The following EXOC4 variants were observed in gnomAD, a reference collection of about 807,000 sequenced individuals.
The protein encoded by EXOC4 is SEC8-like 1.
Under a neutral mutation model 107.2 loss-of-function variants are expected in EXOC4, and 71 were observed. That is an observed-to-expected ratio of 0.66 (90% CI 0.55 to 0.81). EXOC4 has a LOEUF of 0.81. Among genes scored for constraint, EXOC4 ranks in the 30% least tolerant of loss-of-function variants. The pLI, the probability that EXOC4 is intolerant of heterozygous loss-of-function variation, is 0.00. For synonymous variants in EXOC4, 456 were observed against 441.2 expected (o/e 1.03, Z -0.42); for missense variants, 1,108 against 1,189.6 (o/e 0.93, Z 1.01).
rs1220022922 is a variant in EXOC4 at position 133,497,428 on chromosome 7, GT to G, written c.1417+17306del. 3.5e-3 allele frequency among the ~76,000 whole-genome samples: 485 copies of G among 139,226 alleles called. 2 individuals carry two copies. Among genetic ancestry groups the G allele is most frequent in the African/African-American group, 6.3e-3 (241 of 38,234 alleles). The allele number at this position is 139,226 out of a possible 152,430, so 91.3% of individuals were successfully genotyped here. A position where few individuals can be genotyped will look rare whatever the true frequency, so the allele number is the denominator to read the frequency against. On this transcript the variant is annotated intron_variant, in intron 9 of 17. Transcript: ENST00000253861. ...AAATTTATTCCAACTCTCTGTCAGTGTTTTTTTTTTTTTTTTGAGACGGAGT... is the reference window on the plus strand; with the variant it reads ...AAATTTATTCCAACTCTCTGTCAGTGTTTTTTTTTTTTTTTGAGACGGAGT...
chr7:133,660,971 A>G (rs1243242575), intron 10 of EXOC4, among the ~76,000 whole-genome samples: 1 of 152,184 alleles, frequency 6.6e-6, no homozygotes, highest in Non-Finnish European at 1.5e-5. Context: ...TCTGAGAAAG[A>G]GATAAAGTGG....
chr7:133,324,691 T>A (rs544177840), intron 5 of EXOC4, among the ~76,000 whole-genome samples: 33 of 152,292 alleles, frequency 2.2e-4, no homozygotes, highest in African/African-American at 7.9e-4. Flanking sequence ...ATTCTGTTGA[T>A]TTGTGGTGGA....
At chr7:133,424,049 GTCAGCTCTCTGTAAAATGGACCAA>G (rs1419589274) in intron 7 of EXOC4, among the ~76,000 whole-genome samples, 18 of 152,088 alleles carry the variant, frequency 1.2e-4, no homozygotes, top group East Asian at 5.8e-4. Flanking sequence ...AAATGGACCA[GTCAGCTCTCTGTAAAATGGACCAA>G]TCAGCTCTCT....
intron 12 of EXOC4, among the ~76,000 whole-genome samples, chr7:133,907,501 A>C (rs1429359414): frequency 6.6e-6 from 1 of 152,146 alleles, no homozygotes; most frequent in Non-Finnish European, 1.5e-5. Flanking sequence ...TTAGTTTAAA[A>C]ATATCCTCAA....
At chr7:134,093,648 C>T in the EXOC4 span, among the ~76,000 whole-genome samples, 1 of 152,106 alleles carries the variant, frequency 6.6e-6, no homozygotes, top group African/African-American at 2.4e-5. Context: ...TATGGAACAT[C>T]CTCCAAGATT....
At chr7:133,456,562 AAAACTTAGG>A (rs1314826053) in intron 7 of EXOC4, among the ~76,000 whole-genome samples, 1 of 152,208 alleles carries the variant, frequency 6.6e-6, no homozygotes, top group African/African-American at 2.4e-5. Context: ...CTGATATGAG[AAAACTTAGG>A]AAACATCATG....
chr7:134,092,670 C>T, the EXOC4 span, among the ~76,000 whole-genome samples: 2 of 152,058 alleles, frequency 1.3e-5, no homozygotes, highest in Admixed American at 1.3e-4. Flanking sequence ...TAAGGGAATT[C>T]GTTACCACTA....
At chr7:133,925,099 T>C (rs955590440) in intron 13 of EXOC4, among the ~76,000 whole-genome samples, 1 of 152,214 alleles carries the variant, frequency 6.6e-6, no homozygotes, top group Non-Finnish European at 1.5e-5. Flanking sequence ...CCAAAAAGAC[T>C]GAAAAGTCAC....
chr7:133,638,773 G>C (rs1802776525), intron 10 of EXOC4, among the ~76,000 whole-genome samples: 1 of 152,158 alleles, frequency 6.6e-6, no homozygotes. Context: ...GACCAACGCT[G>C]TATTTCCAAA....
intron 1 of EXOC4, among the ~76,000 whole-genome samples, chr7:133,270,784 A>G (rs1188697659): frequency 1.3e-5 from 2 of 152,212 alleles, no homozygotes; most frequent in African/African-American, 4.8e-5. Context: ...GGTGAGCTCA[A>G]TGACAAGTGT....
chr7:133,926,965 A>T (rs1448535324), intron 13 of EXOC4, among the ~76,000 whole-genome samples: 1 of 152,112 alleles, frequency 6.6e-6, no homozygotes, highest in Non-Finnish European at 1.5e-5. Flanking sequence ...CACGAGTCAT[A>T]TATTAAATGT....
intron 9 of EXOC4, among the ~76,000 whole-genome samples, chr7:133,558,256 C>CTTTTCTTTTCTTTTCTTTTG (rs1800741284): frequency 1.4e-5 from 2 of 139,912 alleles, no homozygotes; most frequent in Non-Finnish European, 3.1e-5. Flanking sequence ...CTTTTCTTTT[C>CTTTTCTTTTCTTTTCTTTTG]AAATAAAAGC....
chr7:133,295,526 A>G (rs1050780792), intron 3 of EXOC4, among the ~76,000 whole-genome samples: 15 of 152,206 alleles, frequency 9.9e-5, no homozygotes, highest in African/African-American at 3.6e-4. Flanking sequence ...TCCACTGGGT[A>G]TCATCACTAG....
the EXOC4 span, among the ~76,000 whole-genome samples, chr7:134,091,714 A>G: frequency 1.3e-5 from 2 of 152,160 alleles, no homozygotes; most frequent in Admixed American, 1.3e-4. Context: ...GTGGAAAGTA[A>G]ATTTATAAGC....
At chr7:133,664,419 A>C (rs1793765648) in intron 10 of EXOC4, among the ~76,000 whole-genome samples, 1 of 152,114 alleles carries the variant, frequency 6.6e-6, no homozygotes, top group African/African-American at 2.4e-5. Flanking sequence ...AGGGTATGTC[A>C]GTGTATGTTG....
intron 5 of EXOC4, among the ~76,000 whole-genome samples, chr7:133,349,691 A>G (rs983825100): frequency 1.3e-5 from 2 of 152,182 alleles, no homozygotes; most frequent in African/African-American, 4.8e-5. Context: ...ATACTCAATT[A>G]GAATTGCTGG....
At chr7:133,315,278 C>T (rs943131117) in intron 4 of EXOC4, 1 of 152,512 alleles carries the variant, frequency 6.6e-6, no homozygotes, top group African/African-American at 2.4e-5. Context: ...TGTGCCCATG[C>T]TTTGTCATCA....
At chr7:133,268,600 C>G (rs772777469) in intron 1 of EXOC4, among the ~76,000 whole-genome samples, 1 of 152,118 alleles carries the variant, frequency 6.6e-6, no homozygotes, top group Non-Finnish European at 1.5e-5. Flanking sequence ...ATTTTCCTTT[C>G]AAAACATTTG....
At chr7:133,896,267 C>G (rs1164344727) in intron 12 of EXOC4, among the ~76,000 whole-genome samples, 2 of 152,020 alleles carry the variant, frequency 1.3e-5, no homozygotes, top group Non-Finnish European at 2.9e-5. Flanking sequence ...GATTTCCTTC[C>G]TTAGGTTCAA....
Sources: gnomAD v4.1 joint callset for allele counts (sites outside exome capture counted in the v4.1 genomes callset) on GRCh38, gnomAD v4.1.1 for gene constraint, MANE v1.5 for transcripts, NCBI Gene and HGNC (gene_info 2026-07-23, HGNC 2026-07-21) for gene names.